The following SHISA9 variants were observed in gnomAD, a reference collection of about 807,000 sequenced individuals.
SHISA9 encodes shisa family member 9.
In SHISA9, 13 loss-of-function variants were observed where a neutral mutation model predicts 38.0. The observed-to-expected ratio is 0.34, with a 90% CI of 0.22 to 0.54. The LOEUF (loss-of-function observed/expected upper bound fraction) is 0.54, where lower values mean the gene tolerates loss of function less well. Among genes scored for constraint, SHISA9 ranks in the 20% least tolerant of loss-of-function variants. The pLI is 0.91. For missense variants in SHISA9, 538 were observed against 575.8 expected (o/e 0.93, Z 0.67); for synonymous variants, 275 against 242.0 (o/e 1.14, Z -1.27).
At chr16:13,228,021 A>G (rs539845145) in intron 4 of SHISA9, among the ~76,000 whole-genome samples, 5 of 152,326 alleles carry the variant, frequency 3.3e-5, no homozygotes. Flanking sequence ...ACATTCCAGG[A>G]ATTGTGCTGT....
chr16:13,206,456 G>A (rs1403084551), intron 3 of SHISA9, among the ~76,000 whole-genome samples: 1 of 152,158 alleles, frequency 6.6e-6, no homozygotes, highest in Non-Finnish European at 1.5e-5. Context: ...ACACAACCAT[G>A]TGTCTAAGAT....
the SHISA9 span, among the ~76,000 whole-genome samples, chr16:13,262,960 C>T: frequency 6.6e-6 from 1 of 152,150 alleles, no homozygotes; most frequent in Non-Finnish European, 1.5e-5. Flanking sequence ...CCACTTCATA[C>T]ATAGACATGA....
the SHISA9 span, among the ~76,000 whole-genome samples, chr16:13,428,765 G>GTTTTTT: frequency 3.8e-5 from 3 of 79,372 alleles, no homozygotes; most frequent in African/African-American, 1.2e-4. Context: ...TTATTTTATT[G>GTTTTTT]TTTTATTGTT....
At chr16:13,526,229 C>T in the SHISA9 span, among the ~76,000 whole-genome samples, 1 of 152,138 alleles carries the variant, frequency 6.6e-6, no homozygotes, top group Non-Finnish European at 1.5e-5. Flanking sequence ...AGAAGAGAAC[C>T]ATCAATGACT....
chr16:13,465,938 G>C, the SHISA9 span, among the ~76,000 whole-genome samples: 1 of 152,280 alleles, frequency 6.6e-6, no homozygotes, highest in Non-Finnish European at 1.5e-5. Context: ...GAGTTGGCTA[G>C]TAGTAACAGA....
chr16:13,029,334 G>A (rs961528762), intron 2 of SHISA9, among the ~76,000 whole-genome samples: 9 of 151,284 alleles, frequency 5.9e-5, no homozygotes, highest in African/African-American at 2.0e-4. Flanking sequence ...GGCTGAACAC[G>A]GTGGCTTACG....
the SHISA9 span, among the ~76,000 whole-genome samples, chr16:13,255,442 A>T: frequency 6.6e-6 from 1 of 152,266 alleles, no homozygotes; most frequent in African/African-American, 2.4e-5. Context: ...TTTCATATAC[A>T]TACAAAGGAT....
intron 2 of SHISA9, among the ~76,000 whole-genome samples, chr16:13,150,418 A>G (rs888351615): frequency 6.6e-6 from 1 of 151,648 alleles, no homozygotes; most frequent in East Asian, 1.9e-4. Context: ...ATGTCTCCCA[A>G]CCCCCTGCCA....
the SHISA9 span, among the ~76,000 whole-genome samples, chr16:13,481,230 T>C: frequency 5.9e-5 from 9 of 152,218 alleles, no homozygotes; most frequent in African/African-American, 2.2e-4. Flanking sequence ...CTGTGTACTT[T>C]ATTTACATGA....
chr16:13,397,954 G>A, the SHISA9 span, among the ~76,000 whole-genome samples: 1 of 152,224 alleles, frequency 6.6e-6, no homozygotes, highest in Non-Finnish European at 1.5e-5. Context: ...GGGAGATGGA[G>A]TGGGAAGGTG....
chr16:13,504,476 A>G, the SHISA9 span, among the ~76,000 whole-genome samples: 5 of 152,302 alleles, frequency 3.3e-5, no homozygotes, highest in Middle Eastern at 3.4e-3. Flanking sequence ...AAATAATCCC[A>G]TTAGTCACAT....
intron 2 of SHISA9, among the ~76,000 whole-genome samples, chr16:12,993,387 TG>T (rs1243364151): frequency 6.6e-6 from 1 of 152,206 alleles, no homozygotes; most frequent in African/African-American, 2.4e-5. Context: ...GATTTGTATC[TG>T]GTCTATCTGG....
the SHISA9 span, among the ~76,000 whole-genome samples, chr16:13,361,590 C>A: frequency 1.3e-5 from 2 of 152,218 alleles, no homozygotes. Flanking sequence ...GGTCAAGGAA[C>A]TTGCCCAAGG....
At chr16:13,375,480 G>T in the SHISA9 span, among the ~76,000 whole-genome samples, 3 of 152,104 alleles carry the variant, frequency 2.0e-5, no homozygotes, top group African/African-American at 7.2e-5. Flanking sequence ...TCAGGTGGTT[G>T]TAGATGTGTG....
the SHISA9 span, among the ~76,000 whole-genome samples, chr16:13,404,741 A>G: frequency 1.7e-4 from 26 of 152,366 alleles, no homozygotes; most frequent in African/African-American, 5.5e-4. Context: ...CATCCATTCT[A>G]TCTCAAGTGG....
the SHISA9 span, among the ~76,000 whole-genome samples, chr16:13,561,784 G>C: frequency 6.6e-6 from 1 of 152,086 alleles, no homozygotes; most frequent in Non-Finnish European, 1.5e-5. Flanking sequence ...TGGTAAATAA[G>C]TGTTAAATTA....
At chr16:13,012,350 G>C (rs777684677) in intron 2 of SHISA9, among the ~76,000 whole-genome samples, 18 of 152,114 alleles carry the variant, frequency 1.2e-4, no homozygotes, top group Non-Finnish European at 2.2e-4. Context: ...GGAATAATGA[G>C]GAGGAATCAG....
At chr16:12,911,520 A>T (rs1029408726) in intron 1 of SHISA9, 1 of 366,364 alleles carries the variant, frequency 2.7e-6, no homozygotes, top group Non-Finnish European at 3.8e-6. Context: ...TTGAGGGTGA[A>T]ATAAATATTA....
At chr16:13,539,841 C>T in the SHISA9 span, among the ~76,000 whole-genome samples, 772 of 152,238 alleles carry the variant, frequency 5.1e-3, 4 homozygotes, top group Non-Finnish European at 5.4e-3. Context: ...AATGAGAACA[C>T]GCCATGTTTG....
Sources: gnomAD v4.1 joint callset for allele counts (sites outside exome capture counted in the v4.1 genomes callset) on GRCh38, gnomAD v4.1.1 for gene constraint, MANE v1.5 for transcripts, NCBI Gene and HGNC (gene_info 2026-07-23, HGNC 2026-07-21) for gene names.